Variants in TBC1D32 observed in about 807,000 individuals in gnomAD.
TBC1D32 encodes the protein protein broad-minded.
TBC1D32 carries 151 observed loss-of-function variants against 170.3 expected under a neutral mutation model. The ratio of observed to expected loss-of-function variants is 0.89; its 90% CI spans 0.78 to 1.01. The LOEUF (loss-of-function observed/expected upper bound fraction) is 1.01, where lower values mean the gene tolerates loss of function less well. TBC1D32 is among the 50% of genes least tolerant of loss of function. TBC1D32 has a pLI of 0.00. For missense variants in TBC1D32, 1,464 were observed against 1,457.1 expected (o/e 1.00, Z -0.08); for synonymous variants, 498 against 488.0 (o/e 1.02, Z -0.27).
intron 31 of TBC1D32, among the ~76,000 whole-genome samples, chr6:121,084,187 G>A (rs1775948362): frequency 6.6e-6 from 1 of 152,060 alleles, no homozygotes; most frequent in African/African-American, 2.4e-5. Flanking sequence ...AATAGAATAA[G>A]GTCTACAATA....
chr6:121,228,368 T>A (rs1198466869), intron 20 of TBC1D32, among the ~76,000 whole-genome samples: 1 of 152,084 alleles, frequency 6.6e-6, no homozygotes, highest in East Asian at 1.9e-4. Flanking sequence ...AGTCAGTAAT[T>A]TTAGATCCTT....
At chr6:121,272,939 A>T (rs945926998) in intron 15 of TBC1D32, among the ~76,000 whole-genome samples, 5 of 152,144 alleles carry the variant, frequency 3.3e-5, no homozygotes, top group African/African-American at 1.2e-4. Context: ...ATAAAAACGG[A>T]TGAGTTCATG....
chr6:121,084,511 C>T (rs1775987594), intron 31 of TBC1D32, among the ~76,000 whole-genome samples: 2 of 152,166 alleles, frequency 1.3e-5, no homozygotes, highest in South Asian at 4.1e-4. Flanking sequence ...TTACTGACTC[C>T]AGTCTCTGCT....
At chr6:121,293,240 A>C (rs78982630) in intron 11 of TBC1D32, among the ~76,000 whole-genome samples, 4,994 of 150,722 alleles carry the variant, frequency 0.033, 192 homozygotes, top group East Asian at 0.12. Flanking sequence ...GCTAAATATT[A>C]CATTTTAATA....
intron 22 of TBC1D32, among the ~76,000 whole-genome samples, chr6:121,182,960 T>C (rs1026258692): frequency 1.3e-5 from 2 of 152,060 alleles, no homozygotes; most frequent in East Asian, 1.9e-4. Flanking sequence ...TTAAAAATCA[T>C]TTAAAGTAAA....
chr6:121,252,997 A>G lies in TBC1D32; in HGVS notation c.2018+2331T>C, dbSNP rs1177154298. On this transcript the variant is annotated intron_variant, in intron 17 of 31. Coordinates refer to ENST00000398212, the MANE Select transcript of TBC1D32 (RefSeq NM_152730.6). ...ACTTAATCTAAGACATGAAATCATA[A>G]AAATTCTAGAAGATAACATTGGAAA... Among the ~76,000 whole-genome samples the G allele has an allele frequency of 2.0e-5, 3 of 152,216 alleles. 1 individual carries two copies. Among genetic ancestry groups the G allele is most frequent in the African/African-American group, 4.8e-5 (2 of 41,472 alleles).
intron 22 of TBC1D32, among the ~76,000 whole-genome samples, chr6:121,187,176 C>T (rs1438250676): frequency 6.6e-6 from 1 of 151,994 alleles, no homozygotes; most frequent in Non-Finnish European, 1.5e-5. Flanking sequence ...ATTTTTAGCA[C>T]AGTATCCCTT....
At chr6:121,124,093 T>C (rs1413667589) in intron 26 of TBC1D32, among the ~76,000 whole-genome samples, 1 of 152,070 alleles carries the variant, frequency 6.6e-6, no homozygotes, top group Admixed American at 6.5e-5. Flanking sequence ...GTTTGTCTTT[T>C]AGTCTTCTTA....
chr6:121,088,794 T>C (rs2128173508), intron 31 of TBC1D32, among the ~76,000 whole-genome samples: 1 of 152,348 alleles, frequency 6.6e-6, no homozygotes, highest in Non-Finnish European at 1.5e-5. Flanking sequence ...TACATGTTCT[T>C]AGTTTGGATT....
chr6:121,271,013 CAT>C (rs1162665927), intron 15 of TBC1D32, among the ~76,000 whole-genome samples: 5 of 152,266 alleles, frequency 3.3e-5, no homozygotes, highest in African/African-American at 7.2e-5. Flanking sequence ...ACAAAAACCA[CAT>C]GATTATCTCA....
At chr6:121,124,095 G>C (rs1281018620) in intron 26 of TBC1D32, among the ~76,000 whole-genome samples, 1 of 151,796 alleles carries the variant, frequency 6.6e-6, no homozygotes, top group East Asian at 1.9e-4. Flanking sequence ...TTGTCTTTTA[G>C]TCTTCTTAGT....
chr6:121,120,878 T>TA (rs1284433047), intron 26 of TBC1D32, among the ~76,000 whole-genome samples: 22 of 151,998 alleles, frequency 1.4e-4, no homozygotes, highest in African/African-American at 5.3e-4. Context: ...TTAATTCTCT[T>TA]AAGTCTCTTT....
At chr6:121,267,016 C>T (rs1267547144) in intron 15 of TBC1D32, among the ~76,000 whole-genome samples, 1 of 147,972 alleles carries the variant, frequency 6.8e-6, no homozygotes, top group Non-Finnish European at 1.5e-5. Flanking sequence ...TCATGGCACA[C>T]ATTTACCTAT....
At chr6:121,115,374 CT>C in intron 26 of TBC1D32, 133 bp from the exon 27 acceptor site, 1 of 544,936 alleles carries the variant, frequency 1.8e-6, no homozygotes, top group Non-Finnish European at 2.9e-6. Flanking sequence ...TGAATTTATT[CT>C]TTTAGGAACT....
intron 24 of TBC1D32, among the ~76,000 whole-genome samples, chr6:121,149,129 A>C (rs567988204): frequency 6.6e-6 from 1 of 151,882 alleles, no homozygotes; most frequent in Non-Finnish European, 1.5e-5. Context: ...AAATTTGTTT[A>C]AGTTCTTTGT....
In TBC1D32 at chr6:121,272,810, G is replaced by C. The variant is rs141613768; in HGVS notation, c.1733+6311C>G. On this transcript the variant is annotated intron_variant, in intron 15 of 31. Coordinates refer to ENST00000398212, the MANE Select transcript of TBC1D32 (RefSeq NM_152730.6). ...TGCTGCTGTAAAGACACATGCACAC[G>C]TATGTTTACTGCAGTACTATTCACA... is the stretch of plus-strand genomic sequence containing the variant. 7.9e-4 allele frequency among the ~76,000 whole-genome samples: 121 copies of C among 152,244 alleles called. 1 individual carries two copies. Among genetic ancestry groups the C allele is most frequent in the Middle Eastern group, 6.8e-3 (2 of 294 alleles).
At chr6:121,237,862 A>G (rs1796510183) in intron 20 of TBC1D32, among the ~76,000 whole-genome samples, 1 of 151,996 alleles carries the variant, frequency 6.6e-6, no homozygotes, top group South Asian at 2.1e-4. Context: ...AATGAATCAC[A>G]TTTCCATTTT....
At chr6:121,190,347 C>T (rs1789828221) in intron 22 of TBC1D32, among the ~76,000 whole-genome samples, 1 of 148,208 alleles carries the variant, frequency 6.7e-6, no homozygotes, top group East Asian at 2.0e-4. Context: ...TGCCCCCCAC[C>T]GTTCTTCCCT....
rs535766886 is a variant in TBC1D32, at chr6:121,185,449, T to A, written c.2570+19626A>T. 5.9e-5 allele frequency among the ~76,000 whole-genome samples: 9 copies of A among 152,224 alleles called. No homozygotes were observed. The East Asian group carries it at 1.7e-3, about 29-fold the overall frequency. ...ATAAACTATATTTTAGAAAGTCATA[T>A]AATGCACAATGCCAGATTGGTTGCC... is the stretch of plus-strand genomic sequence containing the variant. On this transcript the variant is annotated intron_variant, in intron 22 of 31. Transcript: ENST00000398212.
Sources: allele counts gnomAD v4.1 joint callset (sites outside exome capture counted in the v4.1 genomes callset), GRCh38; gene constraint gnomAD v4.1.1; transcripts MANE v1.5; gene names NCBI Gene and HGNC (gene_info 2026-07-23, HGNC 2026-07-21).